Variants in TTN observed in about 807,000 individuals in gnomAD.
TTN encodes titin.
Under a neutral mutation model 3,223.0 loss-of-function variants are expected in TTN, and 1,525 were observed. The ratio of observed to expected loss-of-function variants is 0.47; its 90% confidence interval spans 0.45 to 0.49. TTN has a LOEUF of 0.49. Among genes scored for constraint, TTN ranks in the 20% least tolerant of loss-of-function variants. The pLI is 0.00. For missense variants in TTN, 40,786 were observed against 43,424.0 expected (o/e 0.94, Z 5.40); for synonymous variants, 14,094 against 15,161.0 (o/e 0.93, Z 5.17).
At chr2:178,530,139 G>T (rs1318066812) in intron 358 of TTN, 23 bp from the exon 359 acceptor site, 1 of 1,569,324 alleles carries the variant, frequency 6.4e-7, no homozygotes, top group South Asian at 1.2e-5. Context: ...AATGATTTGT[G>T]TTTTAAAAAG....
chr2:178,637,183 A>G (rs867216872), intron 224 of TTN, among the ~76,000 whole-genome samples, 186 bp downstream of exon 224: 1 of 131,194 alleles, frequency 7.6e-6, no homozygotes, highest in African/African-American at 3.0e-5. Context: ...ATATATATAT[A>G]TATATATCTC....
rs368277751 is a variant in TTN at position 178,698,916 on chromosome 2, T to TAAAAAA, written c.30683-8_30683-3dup. 4.6e-6 allele frequency: 6 copies of TAAAAAA among 1,315,342 alleles called. No homozygotes were observed. Among genetic ancestry groups the TAAAAAA allele is most frequent in the Admixed American group, 3.5e-5 (1 of 28,516 alleles). The allele number at this position is 1,315,342 out of a possible 1,614,324, so 81.5% of individuals were successfully genotyped here. Reference sequence around the variant, plus strand: ...CTTTCTTCACAGCCTTTTTGGTAACTAAAAAAAAAAAAAAAGAAAAAAAAA... The same window carrying TAAAAAA: ...CTTTCTTCACAGCCTTTTTGGTAACTAAAAAAAAAAAAAAAAAAAAAGAAAAAAAAA... On this transcript the variant is annotated splice_polypyrimidine_tract_variant and splice_region_variant and intron_variant, in intron 111 of 362. Transcript: ENST00000589042.
At chr2:178,583,964 A>G (rs1029926961) in intron 311 of TTN, 58 bp from the exon 312 acceptor site, 1 of 1,424,222 alleles carries the variant, frequency 7.0e-7, no homozygotes, top group Non-Finnish European at 9.3e-7. Flanking sequence ...TTAAACTTCC[A>G]TATTTCACAT....
In TTN at chr2:178,621,702, T is replaced by C; in HGVS notation, c.45122A>G (p.Glu15041Gly). The change falls in exon 245 of 363, where the codon GAA (glutamate) becomes GGA (glycine). Residue 15041 changes from glutamate to glycine, a missense_variant. Transcript: ENST00000589042. Reference protein sequence around the residue: ...AVFTKNLANIEVSETDTIKLV... With the variant: ...AVFTKNLANIGVSETDTIKLV... The stretch of plus-strand genomic sequence containing the variant: ...TTTTATAGTGTCTGTTTCACTAACT[T>C]CAATGTTGGCAAGATTTTTGGTAAA... 2 of 1,611,980 alleles carry C rather than the reference T, an allele frequency of 1.2e-6. No individual in the cohort carries two copies. The highest frequency in any genetic ancestry group is 1.7e-6 in the Non-Finnish European group (2 of 1,178,976).
At chr2:178,689,922 A>G in intron 121 of TTN, 26 bp from the exon 122 acceptor site, 1 of 1,580,360 alleles carries the variant, frequency 6.3e-7, no homozygotes, top group Non-Finnish European at 8.7e-7. Context: ...ACACAATGTT[A>G]GTTCAGACAT....
In TTN at chr2:178,671,097, T is replaced by G. The variant is rs1167615792; in HGVS notation, c.35301A>C (p.Pro11767=). The change falls in exon 156 of 363, where the codon CCA becomes CCC. Residue 11767 remains proline, a synonymous_variant. Transcript: ENST00000589042. ...TTTTCACAAAGAAGATACCTTTAGCTGGTGGCTCTTTTCGAGGAACAACTT... is the reference window on the plus strand; with the variant it reads ...TTTTCACAAAGAAGATACCTTTAGCGGGTGGCTCTTTTCGAGGAACAACTT... The part of the protein sequence containing the change: ...PTKVVPRKEP[P]AKVPEVPKKI... 6.8e-6 allele frequency: 11 copies of G among 1,606,198 alleles called. No individual in the cohort carries two copies. Among genetic ancestry groups the G allele is most frequent in the Admixed American group, 3.4e-5 (2 of 58,796 alleles).
Position 178,739,278 on chromosome 2 carries a change from C to T in TTN, c.13955G>A (p.Cys4652Tyr), listed in dbSNP as rs2082064227. ...KLVPSDEKFK[C>Y]LQDQNTYTLV... ...CGTATATGTATTTTGATCTTGTAAACACTTGAACTTTTCATCTGAAGGCAC... is the reference window on the plus strand; with the variant it reads ...CGTATATGTATTTTGATCTTGTAAATACTTGAACTTTTCATCTGAAGGCAC... The change falls in exon 48 of 363, where the codon TGT (cysteine) becomes TAT (tyrosine). Residue 4652 changes from cysteine to tyrosine, a missense_variant. Coordinates refer to ENST00000589042, the MANE Select transcript of TTN (RefSeq NM_001267550.2). 1 of 1,612,420 alleles carries T rather than the reference C, an allele frequency of 6.2e-7. No individual in the cohort carries two copies. Among genetic ancestry groups the T allele is most frequent in the African/African-American group, 1.3e-5 (1 of 74,896 alleles).
Position 178,706,655 on chromosome 2 carries a change from T to G in TTN, c.29219A>C (p.Asn9740Thr). The G allele has an allele frequency of 6.2e-7, 1 of 1,613,926 alleles. No homozygotes were observed. The highest frequency in any genetic ancestry group is 8.5e-7 in the Non-Finnish European group (1 of 1,179,826). ...GTGGATGAAAACACGACCTCCTTGG[T>G]TCAGCTGTCTCCACTTCCCTTTTGT... ...KWTKGKWRQLNQGGRVFIHQK... is the reference protein window; with the variant it reads ...KWTKGKWRQLTQGGRVFIHQK... The change falls in exon 102 of 363, where the codon AAC (asparagine) becomes ACC (threonine). Residue 9740 changes from asparagine to threonine, a missense_variant. Physicochemically the swap from Asn to Thr is moderately conservative, Grantham distance 65. Transcript: ENST00000589042.
In TTN at chr2:178,546,724, G is replaced by T. The variant is rs1431320981; in HGVS notation, c.94704C>A (p.Phe31568Leu). Residue 31568 changes from phenylalanine (F) to leucine (L), a missense_variant, in exon 341 of 363, where the codon TTC becomes TTA. By Grantham distance (22) the Phe-to-Leu change is conservative. Coordinates refer to ENST00000589042, the MANE Select transcript of TTN (RefSeq NM_001267550.2). Reference protein sequence around the residue: ...KCNYTIVSDNFFTVTALSEGD... With the variant: ...KCNYTIVSDNLFTVTALSEGD... Reference sequence around the variant, plus strand: ...CTTCACTGAGAGCAGTCACGGTGAAGAAATTGTCAGATACAATGGTGTAGT... The same window carrying T: ...CTTCACTGAGAGCAGTCACGGTGAATAAATTGTCAGATACAATGGTGTAGT... 3 of 1,613,692 alleles carry T rather than the reference G, an allele frequency of 1.9e-6. No individual in the cohort carries two copies. The highest frequency in any genetic ancestry group is 4.5e-5 in the East Asian group (2 of 44,884).
chr2:178,769,263 T>A (rs1574549899), intron 37 of TTN, among the ~76,000 whole-genome samples: 1 of 151,542 alleles, frequency 6.6e-6, no homozygotes, highest in East Asian at 1.9e-4. Context: ...TTTTTTTTCT[T>A]TATTTTTTGA....
chr2:178,800,349 A>G (rs779144846), intron 4 of TTN, 46 bp downstream of exon 4: 5 of 1,612,988 alleles, frequency 3.1e-6, no homozygotes, highest in Non-Finnish European at 4.2e-6. Context: ...TTAGACACAA[A>G]CCAGCTCTCT....
chr2:178,683,010 C>G (rs1264131086), intron 134 of TTN, 107 bp from the exon 135 acceptor site: 15 of 1,163,888 alleles, frequency 1.3e-5, no homozygotes, highest in Non-Finnish European at 1.8e-5. Context: ...GTTTCATGCA[C>G]TGATTATGGG....
Position 178,632,687 on chromosome 2 carries a change from C to T in TTN, c.43319G>A (p.Trp14440Ter), listed in dbSNP as rs372663057. The change falls in exon 235 of 363, where the codon TGG (tryptophan) becomes TAG (stop). Residue 14440 changes from tryptophan (W) to a stop codon, truncating the protein, a stop_gained. Transcript: ENST00000589042. LOFTEE classifies it high-confidence loss of function. ...TGTGATTTCCTGGGTTCCTTTTAGC[C>T]AACGGAATGTTTTGGGCTCCCTGGA... The part of the protein sequence containing the change: ...EVSREPKTFR[W>*]LKGTQEITGD... 1 of 1,613,234 alleles carries T rather than the reference C, an allele frequency of 6.2e-7. No individual in the cohort carries two copies. The highest frequency in any genetic ancestry group is 8.5e-7 in the Non-Finnish European group (1 of 1,179,546).
Position 178,784,204 on chromosome 2 carries a change from A to T in TTN, c.2641T>A (p.Phe881Ile). ...VRAEPTPLPQFPFADTPDTYK... is the reference protein window; with the variant it reads ...VRAEPTPLPQIPFADTPDTYK... ...GTATCTGGTGTGTCAGCGAAGGGGAACTGTGGCAAGGGTGTGGGCTCTGCC... is the reference window on the plus strand; with the variant it reads ...GTATCTGGTGTGTCAGCGAAGGGGATCTGTGGCAAGGGTGTGGGCTCTGCC... Residue 881 changes from phenylalanine (F) to isoleucine (I), a missense_variant, in exon 16 of 363, where the codon TTC becomes ATC. Coordinates refer to ENST00000589042, the MANE Select transcript of TTN (RefSeq NM_001267550.2). 6.2e-7 allele frequency: 1 copy of T among 1,614,114 alleles called. No homozygotes were observed. The highest frequency in any genetic ancestry group is 8.5e-7 in the Non-Finnish European group (1 of 1,179,996).
rs892796681 is a variant in TTN at position 178,730,494 on chromosome 2, A to G, written c.18028+11T>C. On this transcript the variant is annotated intron_variant, in intron 61 of 362. Coordinates refer to ENST00000589042, the MANE Select transcript of TTN (RefSeq NM_001267550.2). ...GTAAGTTCTTGATAAGTGGAAATAA[A>G]ATTTGCCAACCTTTGACTGTCAGAT... 6.3e-7 allele frequency: 1 copy of G among 1,582,684 alleles called. No homozygotes were observed. The highest frequency in any genetic ancestry group is 1.4e-5 in the African/African-American group (1 of 73,666).
In TTN at chr2:178,764,607, G is replaced by A. The variant is rs201379132; in HGVS notation, c.9908C>T (p.Pro3303Leu). The A allele has an allele frequency of 6.1e-5, 99 of 1,614,002 alleles. No individual in the cohort carries two copies. In the South Asian group the frequency reaches 8.1e-4, roughly 13 times the overall value. ...ACAGGTATAGACTGCCGCATCCTCTGGGAAGGCTTCAATTAGCAAAAGCGT... is the reference window on the plus strand; with the variant it reads ...ACAGGTATAGACTGCCGCATCCTCTAGGAAGGCTTCAATTAGCAAAAGCGT... ...EYTLLLIEAFPEDAAVYTCEA... is the reference protein window; with the variant it reads ...EYTLLLIEAFLEDAAVYTCEA... Residue 3303 changes from proline (P) to leucine (L), a missense_variant, in exon 42 of 363, where the codon CCA becomes CTA. Transcript: ENST00000589042.
Position 178,775,673 on chromosome 2 carries a change from A to T in TTN, c.6191T>A (p.Phe2064Tyr). ...AEEGKITIPTFKPDKIELSPS... is the reference protein window; with the variant it reads ...AEEGKITIPTYKPDKIELSPS... ...ACTTAGTTCAATCTTGTCAGGTTTA[A>T]AAGTTGGAATCGTGATTTTGCCTTC... The change falls in exon 28 of 363, where the codon TTT (phenylalanine) becomes TAT (tyrosine). Residue 2064 changes from phenylalanine (F) to tyrosine (Y), a missense_variant. Coordinates refer to ENST00000589042, the MANE Select transcript of TTN (RefSeq NM_001267550.2). The T allele has an allele frequency of 1.2e-6, 2 of 1,614,072 alleles. No individual in the cohort carries two copies. Among genetic ancestry groups the T allele is most frequent in the Non-Finnish European group, 8.5e-7 (1 of 1,180,008 alleles).
intron 6 of TTN, among the ~76,000 whole-genome samples, 177 bp from the exon 7 acceptor site, chr2:178,795,429 C>T (rs977309365): frequency 6.6e-6 from 1 of 151,904 alleles, no homozygotes; most frequent in Non-Finnish European, 1.5e-5. Flanking sequence ...TCTCAATAAA[C>T]CTATTCTTAT....
chr2:178,640,913 C>A (rs1486397121), intron 220 of TTN, among the ~76,000 whole-genome samples: 1 of 151,870 alleles, frequency 6.6e-6, no homozygotes, highest in East Asian at 1.9e-4. Flanking sequence ...ATGATAAAAA[C>A]CAACCCATTT....
Sources: allele counts gnomAD v4.1 joint callset (sites outside exome capture counted in the v4.1 genomes callset), GRCh38; gene constraint gnomAD v4.1.1; transcripts MANE v1.5; gene names NCBI Gene and HGNC (gene_info 2026-07-23, HGNC 2026-07-21).